Variants in MAF observed in about 807,000 individuals in gnomAD.
The protein encoded by MAF is transcription factor Maf.
In MAF, 10 loss-of-function variants were observed where a neutral mutation model predicts 22.0. The ratio of observed to expected loss-of-function variants is 0.45; its 90% confidence interval spans 0.28 to 0.77. The LOEUF is 0.77. MAF is among the 30% of genes least tolerant of loss of function. The probability of loss-of-function intolerance (pLI) is 0.12; values close to 1 mark genes in which losing one functional copy is unlikely to be tolerated. For missense variants in MAF, 544 were observed against 548.4 expected, an observed-to-expected ratio of 0.99 and a Z score of 0.08; for synonymous variants, 337 against 255.8, an observed-to-expected ratio of 1.32 and a Z score of -3.03.
chr16:79,545,882 A>G, the MAF span, among the ~76,000 whole-genome samples: 1 of 152,180 alleles, frequency 6.6e-6, no homozygotes, highest in Non-Finnish European at 1.5e-5. Flanking sequence ...CTTAGAGAGT[A>G]GATTTTAAGT....
chr16:79,464,653 C>A, the MAF span, among the ~76,000 whole-genome samples: 4 of 152,154 alleles, frequency 2.6e-5, no homozygotes, highest in African/African-American at 9.7e-5. Flanking sequence ...GGGTACCTGG[C>A]AAATGACATA....
chr16:79,278,268 C>G, the MAF span, among the ~76,000 whole-genome samples: 1 of 152,202 alleles, frequency 6.6e-6, no homozygotes, highest in Non-Finnish European at 1.5e-5. Context: ...GAAAGTGAAT[C>G]TTTAGCAAAA....
At chr16:79,404,164 C>CTTTTTTT in the MAF span, among the ~76,000 whole-genome samples, 3 of 122,090 alleles carry the variant, frequency 2.5e-5, no homozygotes, top group African/African-American at 9.3e-5. Flanking sequence ...TCTGGATTTT[C>CTTTTTTT]TTTTTTTTTT....
At chr16:79,589,188 G>T (rs30406), downstream of MAF, among the ~76,000 whole-genome samples, 3 of 152,080 alleles carry the variant, frequency 2.0e-5, no homozygotes, top group Non-Finnish European at 4.4e-5. Flanking sequence ...TCATGGAAAA[G>T]ATGCTTTCTG....
the MAF span, chr16:79,212,805 C>CTTGTTTCTTCTCTGAGTGAG: frequency 6.6e-6 from 1 of 152,158 alleles, no homozygotes; most frequent in Non-Finnish European, 1.5e-5. Context: ...AAACACGATT[C>CTTGTTTCTTCTCTGAGTGAG]TTGTTTCTTC....
At chr16:79,260,034 A>G in the MAF span, among the ~76,000 whole-genome samples, 1 of 152,238 alleles carries the variant, frequency 6.6e-6, no homozygotes, top group African/African-American at 2.4e-5. Context: ...GAGAGTGGGC[A>G]GCTGGCTGGA....
At chr16:79,302,414 T>C in the MAF span, among the ~76,000 whole-genome samples, 1,792 of 152,326 alleles carry the variant, frequency 0.012, 44 homozygotes, top group African/African-American at 0.041. Flanking sequence ...AACGACTCTT[T>C]TCTGCCACTG....
the MAF span, among the ~76,000 whole-genome samples, chr16:79,399,797 C>T: frequency 6.6e-6 from 1 of 152,122 alleles, no homozygotes; most frequent in South Asian, 2.1e-4. Flanking sequence ...GAAGATTCGT[C>T]CCAGCTTGCC....
At chr16:79,434,411 A>T in the MAF span, among the ~76,000 whole-genome samples, 3 of 152,192 alleles carry the variant, frequency 2.0e-5, no homozygotes, top group Non-Finnish European at 2.9e-5. Context: ...GCTGATTTCA[A>T]GCTACCAATG....
chr16:79,585,327 C>A (rs1417431633), downstream of MAF, among the ~76,000 whole-genome samples: 4 of 152,174 alleles, frequency 2.6e-5, no homozygotes, highest in East Asian at 7.7e-4. Context: ...GGAGGGGATC[C>A]ATAGTCACAT....
chr16:79,259,039 C>A, the MAF span, among the ~76,000 whole-genome samples: 2 of 152,266 alleles, frequency 1.3e-5, no homozygotes, highest in East Asian at 3.9e-4. Context: ...GTTAAAAATT[C>A]TCCTCCTTCT....
At chr16:79,404,164 CT>C in the MAF span, among the ~76,000 whole-genome samples, 50,063 of 121,656 alleles carry the variant, frequency 0.41, 9,802 homozygotes, top group East Asian at 0.69. Context: ...TCTGGATTTT[CT>C]TTTTTTTTTT....
At chr16:79,554,365 C>T in the MAF span, among the ~76,000 whole-genome samples, 1 of 152,128 alleles carries the variant, frequency 6.6e-6, no homozygotes, top group Admixed American at 6.5e-5. Context: ...TTCCTAATCT[C>T]CCAGATCCTC....
chr16:79,549,298 G>A, the MAF span, among the ~76,000 whole-genome samples: 4 of 152,126 alleles, frequency 2.6e-5, no homozygotes, highest in Non-Finnish European at 5.9e-5. Context: ...TGAGGTCGAC[G>A]CTATGAAGAA....
chr16:79,423,985 T>C, the MAF span, among the ~76,000 whole-genome samples: 1 of 152,224 alleles, frequency 6.6e-6, no homozygotes, highest in African/African-American at 2.4e-5. Flanking sequence ...ATTAGCCTGC[T>C]ACAACACAAT....
chr16:79,246,271 GACT>G, the MAF span, among the ~76,000 whole-genome samples: 3 of 152,030 alleles, frequency 2.0e-5, no homozygotes, highest in Non-Finnish European at 4.4e-5. Flanking sequence ...AATCGTTAAT[GACT>G]ACTTTGGACT....
the MAF span, among the ~76,000 whole-genome samples, chr16:79,459,697 C>T: frequency 1.3e-5 from 2 of 151,828 alleles, no homozygotes; most frequent in East Asian, 1.9e-4. Flanking sequence ...CTCAGCCTCC[C>T]GACTAGCTGG....
chr16:79,325,710 G>A, the MAF span, among the ~76,000 whole-genome samples: 2 of 152,174 alleles, frequency 1.3e-5, no homozygotes, highest in Non-Finnish European at 2.9e-5. Context: ...GTTTGAGGCA[G>A]ATGTGCAAAG....
At chr16:79,482,754 C>G in the MAF span, among the ~76,000 whole-genome samples, 1 of 152,090 alleles carries the variant, frequency 6.6e-6, no homozygotes, top group East Asian at 1.9e-4. Context: ...TAACCATGCA[C>G]CCAATGAGGG....
Sources: gnomAD v4.1 joint callset for allele counts (sites outside exome capture counted in the v4.1 genomes callset) on GRCh38, gnomAD v4.1.1 for gene constraint, MANE v1.5 for transcripts, NCBI Gene and HGNC (gene_info 2026-07-23, HGNC 2026-07-21) for gene names.